Variants in GRID2 observed in about 807,000 individuals in gnomAD.
GRID2 encodes glutamate ionotropic receptor delta type subunit 2, also known as glutamate receptor ionotropic, delta-2.
In GRID2, 33 loss-of-function variants were observed where a neutral mutation model predicts 114.8. That is an observed-to-expected ratio of 0.29 (90% CI 0.22 to 0.38). GRID2 has a LOEUF of 0.38. Ranked by LOEUF, GRID2 falls within the 10% of genes least tolerant of loss-of-function variation. GRID2 has a pLI of 1.00. For missense variants in GRID2, 1,184 were observed against 1,257.7 expected, an observed-to-expected ratio of 0.94 and a Z score of 0.89; for synonymous variants, 505 against 449.9, an observed-to-expected ratio of 1.12 and a Z score of -1.55.
intron 2 of GRID2, among the ~76,000 whole-genome samples, chr4:93,055,416 G>A (rs1206850400): frequency 6.6e-6 from 1 of 150,680 alleles, no homozygotes; most frequent in East Asian, 1.9e-4. Context: ...TATACCTAAT[G>A]CTAGATGACG....
chr4:93,333,584 C>A (rs1386361854), intron 8 of GRID2, among the ~76,000 whole-genome samples: 1 of 152,158 alleles, frequency 6.6e-6, no homozygotes, highest in Non-Finnish European at 1.5e-5. Context: ...CTACTAGTAT[C>A]CTTTGTAAAG....
At chr4:93,061,234 A>C (rs1406062641) in intron 2 of GRID2, among the ~76,000 whole-genome samples, 3 of 146,488 alleles carry the variant, frequency 2.0e-5, no homozygotes, top group African/African-American at 7.6e-5. Flanking sequence ...AATACCTTGA[A>C]ATTTCAGGGG....
At chr4:92,998,181 A>G (rs1050285217) in intron 2 of GRID2, among the ~76,000 whole-genome samples, 41 of 152,038 alleles carry the variant, frequency 2.7e-4, no homozygotes, top group African/African-American at 9.7e-4. Flanking sequence ...CATTGAAATC[A>G]TTTCTTAATT....
intron 2 of GRID2, among the ~76,000 whole-genome samples, chr4:92,650,955 C>G (rs1731897979): frequency 6.6e-6 from 1 of 152,008 alleles, no homozygotes; most frequent in Admixed American, 6.6e-5. Context: ...TTTCACTGTT[C>G]TGTCAAGGCA....
intron 14 of GRID2, among the ~76,000 whole-genome samples, chr4:93,658,176 C>T (rs1337269749): frequency 6.6e-6 from 1 of 152,102 alleles, no homozygotes; most frequent in Non-Finnish European, 1.5e-5. Context: ...AAAATAAACC[C>T]TATCATTTTA....
At chr4:93,109,228 A>T (rs1732544996) in intron 3 of GRID2, among the ~76,000 whole-genome samples, 1 of 152,128 alleles carries the variant, frequency 6.6e-6, no homozygotes, top group Admixed American at 6.6e-5. Context: ...CTAGCTGAGG[A>T]TTTTATTCTT....
rs140251174 is a variant in GRID2, at chr4:93,350,906, A to G, written c.1246-44701A>G. 2.5e-3 allele frequency among the ~76,000 whole-genome samples: 388 copies of G among 152,234 alleles called. 2 individuals carry two copies. The highest frequency in any genetic ancestry group is 8.5e-3 in the African/African-American group (354 of 41,554). On this transcript the variant is annotated intron_variant, in intron 8 of 15. Coordinates refer to ENST00000282020, the MANE Select transcript of GRID2 (RefSeq NM_001510.4). ...TAAAGGAAAGAGTTTTAATGGACTC[A>G]CAGTTCTACATGGCTGGGGAGGACT... is the stretch of plus-strand genomic sequence containing the variant.
At chr4:93,244,685 C>G (rs1748000217) in intron 8 of GRID2, among the ~76,000 whole-genome samples, 1 of 147,680 alleles carries the variant, frequency 6.8e-6, no homozygotes, top group Non-Finnish European at 1.5e-5. Context: ...ATTATGTAAT[C>G]TATTAAAAAT....
At chr4:92,919,930 T>C (rs1749164047) in intron 2 of GRID2, among the ~76,000 whole-genome samples, 1 of 152,168 alleles carries the variant, frequency 6.6e-6, no homozygotes, top group African/African-American at 2.4e-5. Context: ...CATTGATCTG[T>C]CTAATGTTGA....
At chr4:93,327,690 T>G (rs904211292) in intron 8 of GRID2, among the ~76,000 whole-genome samples, 2 of 150,318 alleles carry the variant, frequency 1.3e-5, no homozygotes, top group South Asian at 4.2e-4. Flanking sequence ...CTGAATAATG[T>G]GTACACATGG....
At chr4:93,326,653 G>A (rs947440090) in intron 8 of GRID2, among the ~76,000 whole-genome samples, 3 of 151,462 alleles carry the variant, frequency 2.0e-5, no homozygotes, top group Non-Finnish European at 4.4e-5. Flanking sequence ...ATGTGTACCC[G>A]CCACTTTATC....
intron 14 of GRID2, among the ~76,000 whole-genome samples, chr4:93,684,137 A>G (rs1233313904): frequency 6.6e-6 from 1 of 152,168 alleles, no homozygotes; most frequent in Non-Finnish European, 1.5e-5. Context: ...GTTATTAGTT[A>G]TCTTTGGATA....
chr4:93,651,398 G>A (rs955797527), intron 14 of GRID2, among the ~76,000 whole-genome samples: 1 of 152,122 alleles, frequency 6.6e-6, no homozygotes. Flanking sequence ...TGGTCACTTG[G>A]TGGAGCATAT....
chr4:93,330,152 T>G (rs1442447507), intron 8 of GRID2, among the ~76,000 whole-genome samples: 8 of 152,160 alleles, frequency 5.3e-5, no homozygotes, highest in Non-Finnish European at 1.5e-5. Flanking sequence ...CAAACAAAAG[T>G]GCTTTCTCCT....
At chr4:93,074,943 G>T (rs775427259) in intron 2 of GRID2, among the ~76,000 whole-genome samples, 1 of 152,234 alleles carries the variant, frequency 6.6e-6, no homozygotes, top group Non-Finnish European at 1.5e-5. Context: ...ACCTGAATAT[G>T]CCTGTATATG....
intron 8 of GRID2, among the ~76,000 whole-genome samples, chr4:93,326,656 A>T (rs1043558842): frequency 6.6e-6 from 1 of 151,376 alleles, no homozygotes; most frequent in East Asian, 1.9e-4. Flanking sequence ...TGTACCCGCC[A>T]CTTTATCTAT....
downstream of GRID2, among the ~76,000 whole-genome samples, chr4:93,776,271 A>G (rs1734368198): frequency 6.6e-6 from 1 of 152,326 alleles, no homozygotes; most frequent in East Asian, 1.9e-4. Flanking sequence ...GGCCATAATT[A>G]TCATTTCAAT....
At chr4:93,283,413 A>G (rs1379738075) in intron 8 of GRID2, among the ~76,000 whole-genome samples, 1 of 152,116 alleles carries the variant, frequency 6.6e-6, no homozygotes, top group Non-Finnish European at 1.5e-5. Flanking sequence ...TCTCTGCTCA[A>G]AATGAGTTAC....
At chr4:92,347,725 T>C (rs1727843053) in intron 1 of GRID2, among the ~76,000 whole-genome samples, 1 of 151,932 alleles carries the variant, frequency 6.6e-6, no homozygotes, top group Non-Finnish European at 1.5e-5. Context: ...GAAGGCGAGA[T>C]TGAGGGATAG....
Sources: gnomAD v4.1 joint callset for allele counts (sites outside exome capture counted in the v4.1 genomes callset) on GRCh38, gnomAD v4.1.1 for gene constraint, MANE v1.5 for transcripts, NCBI Gene and HGNC (gene_info 2026-07-23, HGNC 2026-07-21) for gene names.